ZNF804A: variants seen among roughly 807,000 people sequenced by gnomAD.
ZNF804A encodes zinc finger protein 804A.
A neutral mutation model predicts 16.5 loss-of-function variants in ZNF804A; 2 were observed. That is an observed-to-expected ratio of 0.12 (90% confidence interval 0.05 to 0.38). The LOEUF (loss-of-function observed/expected upper bound fraction) is 0.38, where lower values mean the gene tolerates loss of function less well. Ranked by LOEUF, ZNF804A falls within the 10% of genes least tolerant of loss-of-function variation. The pLI is 0.99. For missense variants in ZNF804A, 1,473 were observed against 1,390.7 expected (o/e 1.06, Z -0.94); for synonymous variants, 534 against 489.6 (o/e 1.09, Z -1.20).
intron 1 of ZNF804A, among the ~76,000 whole-genome samples, chr2:184,710,420 A>G (rs1416988235): frequency 6.6e-6 from 1 of 151,386 alleles, no homozygotes; most frequent in Non-Finnish European, 1.5e-5. Flanking sequence ...ATATATATTT[A>G]TTTTTTGTGC....
chr2:184,729,183 C>A (rs1693471895), intron 1 of ZNF804A, among the ~76,000 whole-genome samples: 1 of 151,700 alleles, frequency 6.6e-6, no homozygotes, highest in Non-Finnish European at 1.5e-5. Flanking sequence ...TTTAAGTGCT[C>A]TCAACACAAA....
chr2:184,707,470 G>A (rs1240260581), intron 1 of ZNF804A, among the ~76,000 whole-genome samples: 1 of 152,000 alleles, frequency 6.6e-6, no homozygotes, highest in Non-Finnish European at 1.5e-5. Flanking sequence ...TATTCAGTGT[G>A]TATTATTGCC....
chr2:184,656,445 G>T (rs1282251398), intron 1 of ZNF804A, among the ~76,000 whole-genome samples: 1 of 152,060 alleles, frequency 6.6e-6, no homozygotes, highest in African/African-American at 2.4e-5. Context: ...CATCTGTGTG[G>T]CATGTTTACT....
intron 1 of ZNF804A, among the ~76,000 whole-genome samples, chr2:184,790,026 T>C (rs560176576): frequency 3.9e-5 from 6 of 152,150 alleles, no homozygotes; most frequent in Admixed American, 2.6e-4. Flanking sequence ...ATATTATATC[T>C]CTATTTTCAT....
chr2:184,863,325 T>A (rs560463917), intron 1 of ZNF804A, among the ~76,000 whole-genome samples: 2 of 152,280 alleles, frequency 1.3e-5, no homozygotes, highest in East Asian at 1.9e-4. Flanking sequence ...CAGGATTAAA[T>A]GAGTTAATAC....
chr2:184,770,999 C>T (rs1009107452), intron 1 of ZNF804A, among the ~76,000 whole-genome samples: 2 of 151,942 alleles, frequency 1.3e-5, no homozygotes, highest in African/African-American at 4.8e-5. Flanking sequence ...ACACTACAAA[C>T]AACTCTCATG....
chr2:184,936,341 A>G lies in ZNF804A; in HGVS notation c.945A>G (p.Gln315=). The change falls in exon 4 of 4, where the codon CAA becomes CAG. Residue 315 remains glutamine (Q), a synonymous_variant. Transcript: ENST00000302277. ...TATTACCTTCATTTTGCAAGTTTCA[A>G]CTTCAGTTATCTTCTGATGCAGATA... ...ALLLPSFCKF[Q]LQLSSDADNC... is the part of the protein sequence containing the mutation. 3.7e-6 allele frequency: 6 copies of G among 1,613,888 alleles called. No individual in the cohort carries two copies. The highest frequency in any genetic ancestry group is 4.2e-6 in the Non-Finnish European group (5 of 1,179,880).
intron 1 of ZNF804A, among the ~76,000 whole-genome samples, chr2:184,646,388 G>T (rs1026528843): frequency 6.6e-6 from 1 of 152,144 alleles, no homozygotes. Context: ...ATTGCTATGT[G>T]CTCCAGCCTG....
intron 1 of ZNF804A, among the ~76,000 whole-genome samples, chr2:184,688,373 C>CGTGT (rs1692673892): frequency 2.1e-5 from 3 of 146,164 alleles, no homozygotes; most frequent in Admixed American, 1.4e-4. Flanking sequence ...TGTGTGTGTA[C>CGTGT]GTGTGTCTCC....
rs201096515 is a variant in ZNF804A, at chr2:184,866,392, C to G, written c.135C>G (p.Thr45=). ...KTLDYAEKEN[T]IAKALEDLKA... ...AGGACTATGCTGAGAAGGAAAATAC[C>G]ATAGCAAAAGCTCTGGAAGATCTGA... The change falls in exon 2 of 4, where the codon ACC becomes ACG. Residue 45 remains threonine (T), a synonymous_variant. Coordinates refer to ENST00000302277, the MANE Select transcript of ZNF804A (RefSeq NM_194250.2). The G allele has an allele frequency of 1.9e-6, 3 of 1,612,796 alleles. No individual in the cohort carries two copies. In the African/African-American group the frequency reaches 4.0e-5, roughly 22 times the overall value.
intron 1 of ZNF804A, among the ~76,000 whole-genome samples, chr2:184,682,871 G>A (rs1692565312): frequency 6.6e-6 from 1 of 152,094 alleles, no homozygotes; most frequent in Admixed American, 6.5e-5. Flanking sequence ...AACCCAGCAT[G>A]GTGGTGTACC....
At chr2:184,760,326 G>T (rs975339468) in intron 1 of ZNF804A, among the ~76,000 whole-genome samples, 3 of 151,982 alleles carry the variant, frequency 2.0e-5, no homozygotes, top group African/African-American at 7.2e-5. Context: ...ACATAGTTAT[G>T]TAATATGTAA....
chr2:184,900,430 A>G (rs908813101), intron 2 of ZNF804A, among the ~76,000 whole-genome samples: 24 of 152,242 alleles, frequency 1.6e-4, no homozygotes, highest in African/African-American at 5.1e-4. Context: ...TCATATTCCA[A>G]GTGTATAGAC....
chr2:184,769,163 TC>T (rs1694174645), intron 1 of ZNF804A, among the ~76,000 whole-genome samples: 1 of 152,096 alleles, frequency 6.6e-6, no homozygotes, highest in South Asian at 2.1e-4. Context: ...GCTAAGTGCC[TC>T]TGGAGAATGA....
chr2:184,851,175 T>C (rs1294138552), intron 1 of ZNF804A, among the ~76,000 whole-genome samples: 1 of 151,880 alleles, frequency 6.6e-6, no homozygotes, highest in Non-Finnish European at 1.5e-5. Flanking sequence ...TCATATACTT[T>C]TAATTTGTTT....
intron 1 of ZNF804A, among the ~76,000 whole-genome samples, chr2:184,865,328 A>G (rs1402953000): frequency 6.6e-6 from 1 of 151,958 alleles, no homozygotes; most frequent in East Asian, 2.0e-4. Context: ...TTATTCAGTG[A>G]AAGAATTGGA....
At chr2:184,908,938 T>C (rs1685319347) in intron 2 of ZNF804A, among the ~76,000 whole-genome samples, 1 of 152,140 alleles carries the variant, frequency 6.6e-6, no homozygotes, top group Non-Finnish European at 1.5e-5. Context: ...TCACTCTCCC[T>C]TGCTCTGTGA....
At chr2:184,679,011 G>T (rs565200723) in intron 1 of ZNF804A, among the ~76,000 whole-genome samples, 16 of 152,194 alleles carry the variant, frequency 1.1e-4, no homozygotes, top group African/African-American at 3.4e-4. Context: ...TAAAATACCT[G>T]ACTTTAATGT....
chr2:184,928,939 A>G (rs1393490161), intron 2 of ZNF804A, among the ~76,000 whole-genome samples: 2 of 152,152 alleles, frequency 1.3e-5, no homozygotes, highest in Admixed American at 6.5e-5. Flanking sequence ...TTGGCTATTC[A>G]AGACTGTTTA....
Sources: allele counts gnomAD v4.1 joint callset (sites outside exome capture counted in the v4.1 genomes callset), GRCh38; gene constraint gnomAD v4.1.1; transcripts MANE v1.5; gene names NCBI Gene and HGNC (gene_info 2026-07-23, HGNC 2026-07-21).